The following ZFAND3 variants were observed in gnomAD, a reference collection of about 807,000 sequenced individuals.
ZFAND3 encodes the protein AN1-type zinc finger protein 3.
ZFAND3 carries 10 observed loss-of-function variants against 29.6 expected under a neutral mutation model. The ratio of observed to expected loss-of-function variants is 0.34; its 90% CI spans 0.21 to 0.57. The LOEUF is 0.57. Ranked by LOEUF, ZFAND3 falls within the 20% of genes least tolerant of loss-of-function variation. The pLI, the probability that ZFAND3 is intolerant of heterozygous loss-of-function variation, is 0.86. For missense variants in ZFAND3, 230 were observed against 304.5 expected, an observed-to-expected ratio of 0.76 and a Z score of 1.82; for synonymous variants, 128 against 112.6, an observed-to-expected ratio of 1.14 and a Z score of -0.87.
chr6:38,070,827 A>G (rs73419946), intron 3 of ZFAND3, among the ~76,000 whole-genome samples: 10,389 of 152,154 alleles, frequency 0.068, 423 homozygotes, highest in Non-Finnish European at 0.087. Context: ...TTACCACAGC[A>G]TTACCAATAT....
chr6:37,926,662 C>A (rs1006740981), intron 1 of ZFAND3, among the ~76,000 whole-genome samples: 2 of 152,128 alleles, frequency 1.3e-5, no homozygotes, highest in African/African-American at 2.4e-5. Context: ...CTTTTGGTAG[C>A]CATTATTCAA....
At chr6:37,858,750 G>T (rs762210917) in intron 1 of ZFAND3, among the ~76,000 whole-genome samples, 1 of 152,146 alleles carries the variant, frequency 6.6e-6, no homozygotes, top group African/African-American at 2.4e-5. Flanking sequence ...TCTATAAAAG[G>T]TTAAGATGTT....
chr6:37,945,426 C>T (rs1253985849), intron 2 of ZFAND3, among the ~76,000 whole-genome samples: 3 of 152,112 alleles, frequency 2.0e-5, no homozygotes, highest in Non-Finnish European at 2.9e-5. Context: ...GACAGAGTCT[C>T]GCTCTGTCTC....
At chr6:37,867,829 A>G (rs1226920547) in intron 1 of ZFAND3, among the ~76,000 whole-genome samples, 1 of 152,212 alleles carries the variant, frequency 6.6e-6, no homozygotes, top group Non-Finnish European at 1.5e-5. Flanking sequence ...GAGATAGTGT[A>G]CTATAGTGAA....
intron 4 of ZFAND3, among the ~76,000 whole-genome samples, chr6:38,086,043 G>A (rs1764749405): frequency 6.6e-6 from 1 of 152,106 alleles, no homozygotes; most frequent in African/African-American, 2.4e-5. Context: ...GTGTAGAGTG[G>A]TTGGTCTACA....
At chr6:38,007,067 G>C (rs968926718) in intron 2 of ZFAND3, among the ~76,000 whole-genome samples, 14 of 152,110 alleles carry the variant, frequency 9.2e-5, no homozygotes, top group Non-Finnish European at 1.9e-4. Flanking sequence ...AGAGTGAAGA[G>C]AAAGTGATGG....
rs1480089572 is a variant in ZFAND3, at chr6:38,001,560, G to A, written c.113-60033G>A. On this transcript the variant is annotated intron_variant, in intron 2 of 5. Coordinates refer to ENST00000287218, the MANE Select transcript of ZFAND3 (RefSeq NM_021943.3). ...TCTTTTAGTGGGCTTTTGGCCAAAG[G>A]TTCAGAGCTCTAGAATTTAGAATTA... Among the ~76,000 whole-genome samples the A allele has an allele frequency of 2.0e-5, 3 of 152,154 alleles. No individual in the cohort carries two copies. The South Asian group carries it at 6.2e-4, about 32-fold the overall frequency.
At chr6:38,150,678 A>G (rs887612874) in intron 5 of ZFAND3, among the ~76,000 whole-genome samples, 7 of 152,142 alleles carry the variant, frequency 4.6e-5, no homozygotes, top group Non-Finnish European at 1.0e-4. Flanking sequence ...CAGCCTCTAC[A>G]TCTCTGAAAA....
chr6:38,066,968 C>T (rs1290465603), intron 3 of ZFAND3, among the ~76,000 whole-genome samples: 2 of 152,276 alleles, frequency 1.3e-5, no homozygotes, highest in East Asian at 1.9e-4. Context: ...GGAGCTTAGC[C>T]GTTGGAAGCC....
chr6:37,925,547 T>C (rs1341334563), intron 1 of ZFAND3, among the ~76,000 whole-genome samples: 2 of 151,724 alleles, frequency 1.3e-5, no homozygotes, highest in African/African-American at 2.4e-5. Context: ...TACTAAAAAA[T>C]AGAAAAATTA....
chr6:37,949,416 G>T (rs1222272165), intron 2 of ZFAND3, among the ~76,000 whole-genome samples: 7 of 148,998 alleles, frequency 4.7e-5, no homozygotes, highest in Admixed American at 4.0e-4. Flanking sequence ...CCAAATGTGT[G>T]TGGGGGGGTC....
At chr6:38,086,584 A>G (rs1764762697) in intron 4 of ZFAND3, among the ~76,000 whole-genome samples, 1 of 152,352 alleles carries the variant, frequency 6.6e-6, no homozygotes, top group Admixed American at 6.5e-5. Context: ...TGAAGGAAAG[A>G]GATCACTTTC....
At position 37,949,361 on chromosome 6, in the gene ZFAND3, A is replaced by G. The variant is rs557662656; in HGVS notation, c.112+19362A>G. Among the ~76,000 whole-genome samples the G allele has an allele frequency of 2.0e-5, 3 of 151,858 alleles. No homozygotes were observed. In the South Asian group the frequency reaches 6.2e-4, roughly 32 times the overall value. ...GGGGAAAACTCTGTGTTTTTCCTCT[A>G]CTCTCACACCACAGCAGTCATTTAT... is the stretch of plus-strand genomic sequence containing the variant. On this transcript the variant is annotated intron_variant, in intron 2 of 5. Transcript: ENST00000287218.
chr6:38,042,386 C>T (rs1371513210), intron 2 of ZFAND3, among the ~76,000 whole-genome samples: 4 of 147,150 alleles, frequency 2.7e-5, no homozygotes, highest in East Asian at 4.0e-4. Context: ...GCCATCTCGG[C>T]TCACTGCAAC....
At chr6:38,055,720 C>G (rs1183376753) in intron 2 of ZFAND3, among the ~76,000 whole-genome samples, 1 of 152,184 alleles carries the variant, frequency 6.6e-6, no homozygotes, top group Non-Finnish European at 1.5e-5. Flanking sequence ...CTCATCTCTA[C>G]TTACTGATTA....
intron 2 of ZFAND3, among the ~76,000 whole-genome samples, chr6:38,054,952 G>A (rs908207483): frequency 2.0e-5 from 3 of 152,092 alleles, no homozygotes; most frequent in Non-Finnish European, 2.9e-5. Context: ...TTTAAGTTTT[G>A]CGGTTGAGAT....
intron 1 of ZFAND3, among the ~76,000 whole-genome samples, chr6:37,864,407 A>T (rs1293583534): frequency 6.6e-6 from 1 of 152,218 alleles, no homozygotes; most frequent in African/African-American, 2.4e-5. Flanking sequence ...ACATGTGTAG[A>T]CAATTTCCCT....
At chr6:38,104,463 T>A (rs1765169046) in intron 4 of ZFAND3, among the ~76,000 whole-genome samples, 2 of 152,142 alleles carry the variant, frequency 1.3e-5, no homozygotes, top group South Asian at 2.1e-4. Context: ...TTTTGTATCC[T>A]ACAAGTAATC....
At chr6:37,983,511 C>T (rs1022835505) in intron 2 of ZFAND3, among the ~76,000 whole-genome samples, 1 of 152,110 alleles carries the variant, frequency 6.6e-6, no homozygotes, top group East Asian at 1.9e-4. Flanking sequence ...AGGCATGAAC[C>T]ACCACACCCG....
Sources: gnomAD v4.1 joint callset for allele counts (sites outside exome capture counted in the v4.1 genomes callset) on GRCh38, gnomAD v4.1.1 for gene constraint, MANE v1.5 for transcripts, NCBI Gene and HGNC (gene_info 2026-07-23, HGNC 2026-07-21) for gene names.